DAB1: variants seen among roughly 807,000 people sequenced by gnomAD.
DAB1 encodes DAB adaptor protein 1.
Under a neutral mutation model 64.6 loss-of-function variants are expected in DAB1, and 15 were observed. The ratio of observed to expected loss-of-function variants is 0.23; its 90% CI spans 0.16 to 0.36. DAB1 has a LOEUF of 0.36. Ranked by LOEUF, DAB1 falls within the 10% of genes least tolerant of loss-of-function variation. DAB1 has a pLI of 1.00. For synonymous variants in DAB1, 235 were observed against 251.9 expected (o/e 0.93, Z 0.64); for missense variants, 596 against 706.7 (o/e 0.84, Z 1.78).
chr1:58,430,479 T>C (rs1391432347), intron 3 of DAB1, among the ~76,000 whole-genome samples: 3 of 151,960 alleles, frequency 2.0e-5, no homozygotes, highest in African/African-American at 7.2e-5. Flanking sequence ...GAAGAAGAAC[T>C]GGAAAGGCTG....
chr1:58,175,323 G>A (rs183137642), intron 4 of DAB1, among the ~76,000 whole-genome samples: 13 of 152,196 alleles, frequency 8.5e-5, no homozygotes, highest in South Asian at 4.2e-4. Context: ...CGAACCCACC[G>A]GAAGGAAGAA....
Position 57,641,680 on chromosome 1 carries a change from C to G in DAB1, n.625+7912G>C, listed in dbSNP as rs947637036. Among the ~76,000 whole-genome samples the G allele has an allele frequency of 1.8e-4, 28 of 151,986 alleles. 2 individuals carry two copies. Among genetic ancestry groups the G allele is most frequent in the African/African-American group, 6.8e-4 (28 of 41,462 alleles). On this transcript the variant is annotated intron_variant and non_coding_transcript_variant, in intron 7 of 20. Transcript: ENST00000485760. ...TCCTTTTTTTTTTATAATTCAGTAA[C>G]CCCAGCGTAATCTCTGAATAATATT...
At chr1:57,332,421 T>C in intron 1 of DAB1, among the ~76,000 whole-genome samples, 1 of 152,214 alleles carries the variant, frequency 6.6e-6, no homozygotes, top group East Asian at 1.9e-4. Context: ...GTCTGTTACC[T>C]TTCTAGTTTT....
chr1:58,487,754 C>T (rs984691908), intron 3 of DAB1, among the ~76,000 whole-genome samples: 5 of 152,112 alleles, frequency 3.3e-5, no homozygotes, highest in African/African-American at 1.2e-4. Flanking sequence ...ATAATTTCTA[C>T]TCCTAGCTGC....
At chr1:57,860,315 G>C (rs1426994107) in intron 1 of DAB1, among the ~76,000 whole-genome samples, 2 of 152,102 alleles carry the variant, frequency 1.3e-5, no homozygotes, top group Non-Finnish European at 2.9e-5. Flanking sequence ...CCATTTCCTG[G>C]GTTAGGAAAC....
Position 57,080,014 on chromosome 1 carries a change from G to A in DAB1, c.307-7600C>T, listed in dbSNP as rs556676045. ...CTAAGCATCAAGTACAGTGCCTGAT[G>A]TATACAATAAGGGTTTTGTACATCT... On this transcript the variant is annotated intron_variant, in intron 4 of 14. Coordinates refer to ENST00000371236, the MANE Select transcript of DAB1 (RefSeq NM_001365792.1). 6.9e-4 allele frequency among the ~76,000 whole-genome samples: 105 copies of A among 152,284 alleles called. 5 individuals carry two copies. In the South Asian group the frequency reaches 0.022, roughly 32 times the overall value.
chr1:58,176,339 A>G (rs1656474233), intron 4 of DAB1, among the ~76,000 whole-genome samples: 1 of 152,216 alleles, frequency 6.6e-6, no homozygotes, highest in Non-Finnish European at 1.5e-5. Context: ...AGTCATGTAA[A>G]AAAAATAGGT....
chr1:58,518,189 A>G (rs1359174801), intron 2 of DAB1, among the ~76,000 whole-genome samples: 1 of 92,000 alleles, frequency 1.1e-5, no homozygotes, highest in East Asian at 3.9e-4. Flanking sequence ...TCTGTCAGAA[A>G]GAAAAGAGGA....
intron 14 of DAB1, among the ~76,000 whole-genome samples, chr1:57,007,811 T>G (rs1437005701): frequency 6.6e-6 from 1 of 152,192 alleles, no homozygotes; most frequent in African/African-American, 2.4e-5. Context: ...GACATAACTT[T>G]CCCTGCATGG....
At chr1:58,521,428 GA>G (rs894134296) in intron 2 of DAB1, among the ~76,000 whole-genome samples, 3 of 150,312 alleles carry the variant, frequency 2.0e-5, no homozygotes, top group East Asian at 2.0e-4. Flanking sequence ...ATAAAATAAT[GA>G]AAAAAAATGG....
intron 2 of DAB1, 39 bp downstream of exon 2, chr1:57,290,925 G>T: frequency 7.1e-7 from 1 of 1,404,124 alleles, no homozygotes; most frequent in Non-Finnish European, 1.0e-6. Flanking sequence ...TTCCTGTGCA[G>T]AAAAGTAGCC....
chr1:58,529,779 A>C (rs1330562420), intron 1 of DAB1, among the ~76,000 whole-genome samples: 2 of 152,232 alleles, frequency 1.3e-5, no homozygotes, highest in African/African-American at 4.8e-5. Context: ...TAGTAAAATA[A>C]CTATTTACAT....
intron 5 of DAB1, among the ~76,000 whole-genome samples, chr1:58,065,496 G>C (rs1380663213): frequency 6.6e-6 from 1 of 152,196 alleles, no homozygotes; most frequent in Non-Finnish European, 1.5e-5. Flanking sequence ...GGAACTGGGT[G>C]TGAGGGGAAA....
At chr1:58,419,077 T>C (rs186647853) in intron 3 of DAB1, among the ~76,000 whole-genome samples, 172 of 152,304 alleles carry the variant, frequency 1.1e-3, no homozygotes, top group African/African-American at 3.9e-3. Context: ...GGATCAGCCT[T>C]GCAGAAAGCT....
chr1:57,257,881 C>T (rs1383060810), intron 2 of DAB1, among the ~76,000 whole-genome samples: 1 of 152,192 alleles, frequency 6.6e-6, no homozygotes, highest in East Asian at 1.9e-4. Flanking sequence ...CTCCCTCAGC[C>T]ATCCTCTTAA....
intron 3 of DAB1, among the ~76,000 whole-genome samples, chr1:58,489,460 G>T (rs957047468): frequency 5.9e-5 from 9 of 152,210 alleles, no homozygotes; most frequent in Non-Finnish European, 1.3e-4. Context: ...CGAACTGGGT[G>T]GAGCCCACTG....
chr1:58,456,909 CG>C (rs1248628069), intron 3 of DAB1, among the ~76,000 whole-genome samples: 1 of 152,050 alleles, frequency 6.6e-6, no homozygotes, highest in Non-Finnish European at 1.5e-5. Flanking sequence ...TTGAGACCCC[CG>C]GAATTCATTA....
chr1:57,830,837 C>A (rs1319845740), intron 1 of DAB1, among the ~76,000 whole-genome samples: 1 of 152,152 alleles, frequency 6.6e-6, no homozygotes, highest in Admixed American at 6.5e-5. Context: ...TAGATCCCAA[C>A]AAAAATCTTG....
intron 3 of DAB1, among the ~76,000 whole-genome samples, chr1:58,354,931 C>T (rs1378468073): frequency 6.6e-6 from 1 of 152,174 alleles, no homozygotes; most frequent in Non-Finnish European, 1.5e-5. Flanking sequence ...ACTCTGTGCT[C>T]CAATCTTCCC....
Sources: allele counts gnomAD v4.1 joint callset (sites outside exome capture counted in the v4.1 genomes callset), GRCh38; gene constraint gnomAD v4.1.1; transcripts MANE v1.5; gene names NCBI Gene and HGNC (gene_info 2026-07-23, HGNC 2026-07-21).